The following CCDC85A variants were observed in gnomAD, a reference collection of about 807,000 sequenced individuals.
CCDC85A encodes coiled-coil domain-containing protein 85A.
CCDC85A carries 38 observed loss-of-function variants against 50.2 expected under a neutral mutation model. The observed-to-expected ratio is 0.76, with a 90% confidence interval of 0.58 to 0.99. The LOEUF (loss-of-function observed/expected upper bound fraction) is 0.99. Ranked by LOEUF, CCDC85A falls within the 50% of genes least tolerant of loss-of-function variation. The probability of loss-of-function intolerance (pLI) is 0.00; values close to 1 mark genes in which losing one functional copy is unlikely to be tolerated. For synonymous variants in CCDC85A, 366 were observed against 301.4 expected (o/e 1.21, Z -2.22); for missense variants, 820 against 742.0 (o/e 1.11, Z -1.22).
At chr2:56,383,241 C>G (rs1156943319) in intron 5 of CCDC85A, among the ~76,000 whole-genome samples, 1 of 151,850 alleles carries the variant, frequency 6.6e-6, no homozygotes, top group Non-Finnish European at 1.5e-5. Context: ...AAAAGCAAAA[C>G]CAAACCAAAC....
At chr2:56,256,024 A>G (rs1033501352) in intron 2 of CCDC85A, among the ~76,000 whole-genome samples, 1 of 152,156 alleles carries the variant, frequency 6.6e-6, no homozygotes, top group African/African-American at 2.4e-5. Flanking sequence ...TACATATCCT[A>G]TGTAGAATTC....
At chr2:56,341,753 A>C (rs13392813) in intron 2 of CCDC85A, among the ~76,000 whole-genome samples, 3,027 of 152,294 alleles carry the variant, frequency 0.02, 93 homozygotes, top group African/African-American at 0.068. Flanking sequence ...AAATGAAAAA[A>C]ATAGTCAATT....
intron 2 of CCDC85A, among the ~76,000 whole-genome samples, chr2:56,216,646 T>C (rs1304443204): frequency 6.6e-6 from 1 of 151,766 alleles, no homozygotes; most frequent in Non-Finnish European, 1.5e-5. Context: ...ATTCATTTCA[T>C]TTATTTCTCC....
chr2:56,357,968 C>T (rs1027609921), intron 3 of CCDC85A, among the ~76,000 whole-genome samples: 1 of 152,104 alleles, frequency 6.6e-6, no homozygotes, highest in Non-Finnish European at 1.5e-5. Context: ...CCATTCTGAC[C>T]CTGGCCCCCC....
chr2:56,296,464 C>T (rs955880114), intron 2 of CCDC85A, among the ~76,000 whole-genome samples: 1 of 152,156 alleles, frequency 6.6e-6, no homozygotes, highest in African/African-American at 2.4e-5. Context: ...GCAGAAGGAG[C>T]AGGCAGCTGA....
intron 2 of CCDC85A, among the ~76,000 whole-genome samples, chr2:56,219,900 A>G (rs1025075317): frequency 2.6e-5 from 4 of 151,986 alleles, no homozygotes; most frequent in Non-Finnish European, 4.4e-5. Context: ...TATAGTAGAA[A>G]CGACAGAGCC....
intron 5 of CCDC85A, 33 bp from the exon 6 acceptor site, chr2:56,384,233 G>A (rs1416501733): frequency 1.3e-6 from 2 of 1,582,706 alleles, no homozygotes; most frequent in South Asian, 1.1e-5. Context: ...AAGAGGAAAA[G>A]TAAGATACTC....
At chr2:56,249,900 T>G (rs1316844484) in intron 2 of CCDC85A, among the ~76,000 whole-genome samples, 1 of 152,204 alleles carries the variant, frequency 6.6e-6, no homozygotes. Flanking sequence ...TAAAATTTAA[T>G]TTGCTGTAAC....
At chr2:56,197,366 C>T (rs1248005690) in intron 2 of CCDC85A, among the ~76,000 whole-genome samples, 1 of 152,152 alleles carries the variant, frequency 6.6e-6, no homozygotes, top group Admixed American at 6.5e-5. Flanking sequence ...GCCAGACGTT[C>T]CAGGGTTGCG....
At chr2:56,284,295 G>T (rs761632603) in intron 2 of CCDC85A, among the ~76,000 whole-genome samples, 4 of 152,092 alleles carry the variant, frequency 2.6e-5, no homozygotes, top group Non-Finnish European at 4.4e-5. Context: ...GTTTGCACTT[G>T]ACAGAATCTG....
chr2:56,375,408 A>C (rs59330234), intron 4 of CCDC85A, among the ~76,000 whole-genome samples: 22,352 of 152,284 alleles, frequency 0.15, 1,847 homozygotes, highest in Middle Eastern at 0.19. Flanking sequence ...TTTCTCCAAC[A>C]CAAGAATGTG....
intron 3 of CCDC85A, among the ~76,000 whole-genome samples, chr2:56,352,341 T>G (rs1306553120): frequency 6.6e-6 from 1 of 152,142 alleles, no homozygotes; most frequent in Non-Finnish European, 1.5e-5. Flanking sequence ...CATTTTTAAG[T>G]GATTTGAGTC....
At chr2:56,240,802 T>C (rs1669223963) in intron 2 of CCDC85A, among the ~76,000 whole-genome samples, 1 of 152,208 alleles carries the variant, frequency 6.6e-6, no homozygotes, top group Admixed American at 6.5e-5. Context: ...TTTAGTTCTT[T>C]CCATTTTTTT....
chr2:56,252,053 T>A (rs952503055), intron 2 of CCDC85A, among the ~76,000 whole-genome samples: 1 of 112,656 alleles, frequency 8.9e-6, no homozygotes, highest in Non-Finnish European at 2.0e-5. Flanking sequence ...CATCAACTAT[T>A]TTTTTTTTTT....
At chr2:56,343,314 A>G (rs1674467757) in intron 3 of CCDC85A, among the ~76,000 whole-genome samples, 1 of 152,240 alleles carries the variant, frequency 6.6e-6, no homozygotes, top group Non-Finnish European at 1.5e-5. Flanking sequence ...TTATTTAAAT[A>G]GAAAACTTGC....
At chr2:56,290,453 C>A (rs942408121) in intron 2 of CCDC85A, among the ~76,000 whole-genome samples, 4 of 152,038 alleles carry the variant, frequency 2.6e-5, no homozygotes, top group African/African-American at 4.8e-5. Context: ...ATTCTGTGCC[C>A]CTCTACTATG....
At chr2:56,208,628 C>T (rs1190345688) in intron 2 of CCDC85A, among the ~76,000 whole-genome samples, 1 of 152,040 alleles carries the variant, frequency 6.6e-6, no homozygotes, top group African/African-American at 2.4e-5. Flanking sequence ...GTCTTAAACC[C>T]AGGTTGATTC....
intron 3 of CCDC85A, among the ~76,000 whole-genome samples, chr2:56,353,668 A>G (rs1217920233): frequency 6.6e-6 from 1 of 152,224 alleles, no homozygotes; most frequent in East Asian, 1.9e-4. Context: ...TACAGCCACC[A>G]TGGCAGGTCA....
At chr2:56,310,413 C>T (rs531397138) in intron 2 of CCDC85A, among the ~76,000 whole-genome samples, 8 of 152,186 alleles carry the variant, frequency 5.3e-5, no homozygotes, top group Admixed American at 2.6e-4. Context: ...CCAGAAGCAA[C>T]GAGAAATCCC....
Sources: gnomAD v4.1 joint callset for allele counts (sites outside exome capture counted in the v4.1 genomes callset) on GRCh38, gnomAD v4.1.1 for gene constraint, MANE v1.5 for transcripts, NCBI Gene and HGNC (gene_info 2026-07-23, HGNC 2026-07-21) for gene names.